The following EPHA10 variants were observed in gnomAD, a reference collection of about 807,000 sequenced individuals.
EPHA10 encodes EPH receptor A10, also known as ephrin type-A receptor 10.
Under a neutral mutation model 109.7 loss-of-function variants are expected in EPHA10, and 120 were observed. The observed-to-expected ratio is 1.09, with a 90% CI of 0.94 to 1.27. EPHA10 has a LOEUF of 1.27. Ranked by LOEUF, EPHA10 falls within the 50% of genes most tolerant of loss-of-function variation. The pLI is 0.00. For synonymous variants in EPHA10, 640 were observed against 618.9 expected (o/e 1.03, Z -0.51); for missense variants, 1,396 against 1,411.1 (o/e 0.99, Z 0.17).
intron 8 of EPHA10, among the ~76,000 whole-genome samples, chr1:37,725,607 A>G (rs1318029573): frequency 3.3e-5 from 5 of 152,022 alleles, no homozygotes; most frequent in African/African-American, 1.2e-4. Context: ...GAGAAGTCCA[A>G]GAACCGAGGG....
rs569587434 is a variant in EPHA10, at chr1:37,732,818, G to T, written c.1492-1236C>A. 2.2e-5 allele frequency among the ~76,000 whole-genome samples: 3 copies of T among 138,652 alleles called. No homozygotes were observed. The South Asian group carries it at 7.5e-4, about 34-fold the overall frequency. 91.0% of individuals were successfully genotyped at this position (138,652 alleles called of 152,430 possible). On this transcript the variant is annotated intron_variant, in intron 6 of 16. Transcript: ENST00000373048. The stretch of plus-strand genomic sequence containing the variant: ...AAGGCTTCTACTCAGCAGGCTCCAT[G>T]AGAGTACACTGAAGCCTTTCAAATA...
At position 37,718,794 on chromosome 1, in the gene EPHA10, G is replaced by A. The variant is rs774693067; in HGVS notation, c.2779C>T (p.Arg927Cys). 5.3e-5 allele frequency: 85 copies of A among 1,612,406 alleles called. No homozygotes were observed. Among genetic ancestry groups the A allele is most frequent in the East Asian group, 6.7e-5 (3 of 44,880 alleles). The change falls in exon 16 of 17, where the codon CGT becomes TGT. Residue 927 changes from arginine to cysteine, a missense_variant. Physicochemically the swap from Arg to Cys is radical, Grantham distance 180. Transcript: ENST00000373048. ...CPRPPTPLAD[R>C]AFSTFPSFGS... ...AAGGAGGGGAAGGTGGAGAAGGCAC[G>A]GTCCGCTAGTGGGGTGGGAGGCCTG...
intron 5 of EPHA10, among the ~76,000 whole-genome samples, chr1:37,739,237 TTC>T (rs1646116984): frequency 6.6e-6 from 1 of 152,020 alleles, no homozygotes; most frequent in African/African-American, 2.4e-5. Flanking sequence ...AAGAAGAAAA[TTC>T]TGTTATATGC....
chr1:37,744,328 A>G (rs1206262326), intron 5 of EPHA10, among the ~76,000 whole-genome samples: 2 of 151,550 alleles, frequency 1.3e-5, no homozygotes, highest in Admixed American at 6.6e-5. Context: ...CCTGGCCAAC[A>G]TGGTAAAACT....
intron 9 of EPHA10, 52 bp downstream of exon 9, chr1:37,723,259 G>C: frequency 6.2e-7 from 1 of 1,609,968 alleles, no homozygotes; most frequent in Non-Finnish European, 8.5e-7. Flanking sequence ...GAGGGCTGAG[G>C]AGTGAGGCAG....
At chr1:37,763,481 A>G (rs908515360) in intron 1 of EPHA10, among the ~76,000 whole-genome samples, 1 of 152,130 alleles carries the variant, frequency 6.6e-6, no homozygotes, top group Non-Finnish European at 1.5e-5. Context: ...CCTTTTTGTC[A>G]ATTAAGCTAA....
chr1:37,737,022 A>G (rs768630571), intron 5 of EPHA10, among the ~76,000 whole-genome samples: 1 of 152,226 alleles, frequency 6.6e-6, no homozygotes, highest in Non-Finnish European at 1.5e-5. Flanking sequence ...TGTCTCTACT[A>G]CCAAAAGTGA....
Position 37,719,527 on chromosome 1 carries a change from G to C in EPHA10, c.2643C>G (p.Asp881Glu), listed in dbSNP as rs1645750781. ...GCTCACCTGGGTCCTTCTGCCAGCA[G>C]TCGAGCATTAGTCGGTGCAGAAGGT... ...CPNLLHRLML[D>E]CWQKDPGERP... is the part of the protein sequence containing the mutation. The change falls in exon 15 of 17, where the codon GAC becomes GAG. Residue 881 changes from aspartate (D) to glutamate (E), a missense_variant. Transcript: ENST00000373048. 3.7e-6 allele frequency: 6 copies of C among 1,614,072 alleles called. No homozygotes were observed. In the East Asian group the frequency reaches 1.3e-4, roughly 36 times the overall value.
intron 5 of EPHA10, among the ~76,000 whole-genome samples, chr1:37,749,949 G>A (rs932005087): frequency 5.9e-5 from 9 of 152,170 alleles, no homozygotes; most frequent in Non-Finnish European, 1.2e-4. Flanking sequence ...GAGTCTTTCA[G>A]CTCCGTTATA....
chr1:37,759,096 C>A (rs768188494), intron 3 of EPHA10, among the ~76,000 whole-genome samples: 13 of 152,052 alleles, frequency 8.5e-5, no homozygotes, highest in Non-Finnish European at 1.9e-4. Flanking sequence ...CATCTTCTGG[C>A]TCCTAATCCT....
intron 11 of EPHA10, among the ~76,000 whole-genome samples, chr1:37,721,313 A>G (rs1645791934): frequency 6.6e-6 from 1 of 150,780 alleles, no homozygotes; most frequent in Non-Finnish European, 1.5e-5. Flanking sequence ...CTGTAGTCCC[A>G]GCTGCTCGGG....
At chr1:37,721,611 C>G in intron 11 of EPHA10, 49 bp downstream of exon 11, 1 of 1,515,202 alleles carries the variant, frequency 6.6e-7, no homozygotes, top group Non-Finnish European at 8.9e-7. Flanking sequence ...ATCATTTCCA[C>G]CCCCCATACC....
intron 5 of EPHA10, among the ~76,000 whole-genome samples, chr1:37,742,073 T>G (rs1047892031): frequency 1.3e-4 from 20 of 152,196 alleles, no homozygotes; most frequent in Non-Finnish European, 1.3e-4. Flanking sequence ...AGAAGATGGT[T>G]CCATCTCAGC....
At chr1:37,734,203 A>G (rs1322333993) in intron 6 of EPHA10, among the ~76,000 whole-genome samples, 4 of 152,224 alleles carry the variant, frequency 2.6e-5, no homozygotes, top group Non-Finnish European at 4.4e-5. Flanking sequence ...CACCAAGGTG[A>G]GAAACAGTTT....
At position 37,716,172 on chromosome 1, in the gene EPHA10, G is replaced by A. The variant is rs1645688407; in HGVS notation, c.*2200C>T. 4.8e-6 allele frequency: 2 copies of A among 417,056 alleles called. No individual in the cohort carries two copies. The highest frequency in any genetic ancestry group is 3.8e-5 in the Admixed American group (1 of 26,350). The allele number at this position is 417,056 out of a possible 1,614,324, so 25.8% of individuals were successfully genotyped here. On this transcript the variant is annotated 3_prime_UTR_variant, in exon 17 of 17. Transcript: ENST00000373048. The stretch of plus-strand genomic sequence containing the variant: ...TGTAGAGGGTTCCCAGAGAGCCATC[G>A]CCCCACATCACATCTGTGCAGGGCT...
At chr1:37,720,188 G>A in intron 13 of EPHA10, 130 bp from the exon 14 acceptor site, 1 of 1,419,588 alleles carries the variant, frequency 7.0e-7, no homozygotes, top group Non-Finnish European at 9.5e-7. Context: ...TCACATCTGG[G>A]AAAGACAGAA....
At chr1:37,753,732 G>A (rs1184800940) in intron 4 of EPHA10, among the ~76,000 whole-genome samples, 9 of 149,782 alleles carry the variant, frequency 6.0e-5, no homozygotes, top group Non-Finnish European at 1.0e-4. Flanking sequence ...GCGAGCGGGA[G>A]GAGGGGCTTG....
chr1:37,739,706 AAAAAAG>A, intron 5 of EPHA10, among the ~76,000 whole-genome samples: 1 of 140,198 alleles, frequency 7.1e-6, no homozygotes, highest in East Asian at 2.0e-4. Context: ...AAAAAAAAAA[AAAAAAG>A]GAAGTAGAAT....
At chr1:37,722,943 T>C (rs773124022) in intron 10 of EPHA10, 98 bp downstream of exon 10, 3 of 1,571,882 alleles carry the variant, frequency 1.9e-6, no homozygotes, top group African/African-American at 2.7e-5. Context: ...TGGGTGGAGG[T>C]GGGCTTCAGG....
Sources: allele counts gnomAD v4.1 joint callset (sites outside exome capture counted in the v4.1 genomes callset), GRCh38; gene constraint gnomAD v4.1.1; transcripts MANE v1.5; gene names NCBI Gene and HGNC (gene_info 2026-07-23, HGNC 2026-07-21).